Variants in ATG16L1 observed in about 807,000 individuals in gnomAD.
ATG16L1 encodes autophagy-related protein 16-1.
A neutral mutation model predicts 88.5 loss-of-function variants in ATG16L1; 37 were observed. The ratio of observed to expected loss-of-function variants is 0.42; its 90% CI spans 0.32 to 0.55. The LOEUF (loss-of-function observed/expected upper bound fraction) is 0.55, where lower values mean the gene tolerates loss of function less well. Among genes scored for constraint, ATG16L1 ranks in the 20% least tolerant of loss-of-function variants. ATG16L1 has a pLI of 0.13. For missense variants in ATG16L1, 554 were observed against 752.8 expected (o/e 0.74, Z 3.09); for synonymous variants, 301 against 281.0 (o/e 1.07, Z -0.71).
intron 12 of ATG16L1, among the ~76,000 whole-genome samples, chr2:233,289,408 T>TGTGTGTGTGTGTGTGTGAGAGAGA (rs144316394): frequency 0.013 from 1,874 of 149,510 alleles, 23 homozygotes; most frequent in African/African-American, 0.013. Flanking sequence ...TGTGTGTGTG[T>TGTGTGTGTGTGTGTGTGAGAGAGA]GACAGGATCT....
In ATG16L1 at chr2:233,267,506, T is replaced by C. The variant is rs376490526; in HGVS notation, c.641+2363T>C. On this transcript the variant is annotated intron_variant, in intron 5 of 17. Transcript: ENST00000392017. ...AATTATATGTACTGTTACTGGTGTT[T>C]ATTTTTGGGGGTGGTGAGATTATGG... Among the ~76,000 whole-genome samples, 8 of 152,250 alleles carry C rather than the reference T, an allele frequency of 5.3e-5. No individual in the cohort carries two copies. In the East Asian group the frequency reaches 9.6e-4, roughly 18 times the overall value.
intron 11 of ATG16L1, 85 bp from the exon 12 acceptor site, chr2:233,282,597 C>A: frequency 8.1e-7 from 1 of 1,234,692 alleles, no homozygotes; most frequent in Non-Finnish European, 1.2e-6. Flanking sequence ...CCTTCTTGTA[C>A]TTGATTATTG....
At chr2:233,272,293 G>A (rs377723676) in intron 6 of ATG16L1, among the ~76,000 whole-genome samples, 2 of 152,234 alleles carry the variant, frequency 1.3e-5, no homozygotes, top group African/African-American at 4.8e-5. Flanking sequence ...AAGGGAGCAT[G>A]TCCTATGACT....
intron 1 of ATG16L1, among the ~76,000 whole-genome samples, chr2:233,253,197 G>A (rs1292802199): frequency 6.6e-6 from 1 of 152,134 alleles, no homozygotes; most frequent in African/African-American, 2.4e-5. Flanking sequence ...GTAAGTATTT[G>A]CATGTGTTAT....
chr2:233,277,537 C>T (rs1461343209), intron 9 of ATG16L1, 31 bp from the exon 10 acceptor site: 2 of 1,598,312 alleles, frequency 1.3e-6, no homozygotes, highest in Non-Finnish European at 1.7e-6. Context: ...ATGAGAATGA[C>T]TGGGTTTGAC....
At position 233,286,643 on chromosome 2, in the gene ATG16L1, T is replaced by TTTTTTTTTTTTTTTTG. The variant is rs1553608374; in HGVS notation, c.1204-3211_1204-3210insTTTTTTTTTTTTTTTG. ...AAACTTTTTTTTTTTTTTTTTTTTT[T>TTTTTTTTTTTTTTTTG]GAGACAGTGTCTCGCTCAGTCACCC... On this transcript the variant is annotated intron_variant, in intron 12 of 17. Coordinates refer to ENST00000392017, the MANE Select transcript of ATG16L1 (RefSeq NM_030803.7). Among the ~76,000 whole-genome samples the TTTTTTTTTTTTTTTTG allele has an allele frequency of 4.7e-4, 65 of 138,902 alleles. 1 individual carries two copies. The highest frequency in any genetic ancestry group is 8.7e-4 in the African/African-American group (31 of 35,810). 91.1% of individuals were successfully genotyped at this position (138,902 alleles called of 152,430 possible). A position where few individuals can be genotyped will look rare whatever the true frequency, so the allele number is the denominator to read the frequency against.
At position 233,277,596 on chromosome 2, in the gene ATG16L1, T is replaced by G; in HGVS notation, c.983T>G (p.Val328Gly). 1 of 1,614,102 alleles carries G rather than the reference T, an allele frequency of 6.2e-7. No homozygotes were observed. Among genetic ancestry groups the G allele is most frequent in the Non-Finnish European group, 8.5e-7 (1 of 1,179,962 alleles). ...FDAHDGEVNA[V>G]QFSPGSRLLA... ...GCACATGATGGGGAAGTCAACGCTG[T>G]GCAGTTCAGTCCAGGTTCCCGGTTA... The change falls in exon 10 of 18, where the codon GTG becomes GGG. Residue 328 changes from valine (V) to glycine (G), a missense_variant. Physicochemically the swap from Val to Gly is moderately radical, Grantham distance 109. Transcript: ENST00000392017.
intron 2 of ATG16L1, 108 bp downstream of exon 2, chr2:233,256,303 C>A: frequency 1.0e-6 from 1 of 958,990 alleles, no homozygotes; most frequent in South Asian, 1.5e-5. Flanking sequence ...TTTCTGTGTT[C>A]CAGTTTTTGT....
intron 6 of ATG16L1, among the ~76,000 whole-genome samples, chr2:233,271,321 C>T (rs1350439958): frequency 6.6e-6 from 1 of 152,194 alleles, no homozygotes; most frequent in Non-Finnish European, 1.5e-5. Context: ...TCTTGTGGCC[C>T]AGGCTGGAGT....
intron 1 of ATG16L1, among the ~76,000 whole-genome samples, chr2:233,252,245 C>G (rs1574832406): frequency 6.6e-6 from 1 of 152,186 alleles, no homozygotes; most frequent in South Asian, 2.1e-4. Flanking sequence ...CAGAAACATC[C>G]CATCTATGGG....
chr2:233,289,731 C>T, intron 12 of ATG16L1, 123 bp from the exon 13 acceptor site: 1 of 1,325,110 alleles, frequency 7.5e-7, no homozygotes, highest in Non-Finnish European at 1.1e-6. Flanking sequence ...TTTGAGTGTT[C>T]CTGGCCGGAT....
intron 5 of ATG16L1, among the ~76,000 whole-genome samples, chr2:233,269,041 T>A (rs1249094142): frequency 1.3e-5 from 2 of 152,174 alleles, no homozygotes; most frequent in African/African-American, 4.8e-5. Flanking sequence ...TTAGGGAGTT[T>A]CTGAATTTAG....
chr2:233,254,852 A>G (rs1274227818), intron 1 of ATG16L1, among the ~76,000 whole-genome samples: 1 of 152,196 alleles, frequency 6.6e-6, no homozygotes, highest in Non-Finnish European at 1.5e-5. Context: ...TTTAACAGGA[A>G]TAGTCACTAG....
chr2:233,275,831 CAT>C (rs775563252), intron 9 of ATG16L1: 8 of 519,066 alleles, frequency 1.5e-5, no homozygotes, highest in African/African-American at 5.8e-5. Flanking sequence ...ACATTTAAGT[CAT>C]GTGTATGGGA....
Position 233,274,221 on chromosome 2 carries a change from T to C in ATG16L1, c.851+444T>C. ...CTGCCAGGTTGAACACTTTGTACAG[T>C]ACTCATGCTCTTGTTGCTTTCTTTT... On this transcript the variant is annotated intron_variant, in intron 8 of 17. Transcript: ENST00000392017. 3 of 609,484 alleles carry C rather than the reference T, an allele frequency of 4.9e-6. 1 individual carries two copies. The South Asian group carries it at 6.6e-5, about 13-fold the overall frequency. The allele number at this position is 609,484 out of a possible 1,614,324, so 37.8% of individuals were successfully genotyped here.
intron 10 of ATG16L1, among the ~76,000 whole-genome samples, chr2:233,280,531 A>C (rs1047486380): frequency 6.6e-6 from 1 of 152,154 alleles, no homozygotes; most frequent in Admixed American, 6.5e-5. Context: ...CATGGAGATA[A>C]AGTATGAGGG....
intron 12 of ATG16L1, among the ~76,000 whole-genome samples, chr2:233,283,187 A>G (rs573196675): frequency 6.6e-6 from 1 of 152,234 alleles, no homozygotes; most frequent in Non-Finnish European, 1.5e-5. Flanking sequence ...AAGAGGGGAC[A>G]GGTGTCAGAG....
intron 12 of ATG16L1, among the ~76,000 whole-genome samples, chr2:233,287,670 G>T (rs1175011125): frequency 6.6e-5 from 10 of 152,172 alleles, no homozygotes; most frequent in Non-Finnish European, 1.5e-4. Flanking sequence ...TTGAAGTCAG[G>T]AATTCAAGAC....
At position 233,294,789 on chromosome 2, in the gene ATG16L1, C is replaced by T. The variant is rs1372467025; in HGVS notation, c.*439C>T. ...GTCCCAACACCTTGGGTTCATTTGCCCGGTGAACTCACTTTAAGCATTGGA... is the reference window on the plus strand; with the variant it reads ...GTCCCAACACCTTGGGTTCATTTGCTCGGTGAACTCACTTTAAGCATTGGA... On this transcript the variant is annotated 3_prime_UTR_variant, in exon 18 of 18. Coordinates refer to ENST00000392017, the MANE Select transcript of ATG16L1 (RefSeq NM_030803.7). 2 of 154,054 alleles carry T rather than the reference C, an allele frequency of 1.3e-5. No individual in the cohort carries two copies. The highest frequency in any genetic ancestry group is 2.9e-5 in the Non-Finnish European group (2 of 68,970). 9.5% of individuals were successfully genotyped at this position (154,054 alleles called of 1,614,324 possible).
Sources: allele counts gnomAD v4.1 joint callset (sites outside exome capture counted in the v4.1 genomes callset), GRCh38; gene constraint gnomAD v4.1.1; transcripts MANE v1.5; gene names NCBI Gene and HGNC (gene_info 2026-07-23, HGNC 2026-07-21).